AGFG1: variants seen among roughly 807,000 people sequenced by gnomAD.
AGFG1 encodes the protein arf-GAP domain and FG repeat-containing protein 1.
Under a neutral mutation model 60.6 loss-of-function variants are expected in AGFG1, and 10 were observed. The observed-to-expected ratio is 0.16, with a 90% CI of 0.10 to 0.28. The LOEUF (loss-of-function observed/expected upper bound fraction) is 0.28. Among genes scored for constraint, AGFG1 ranks in the 10% least tolerant of loss-of-function variants. AGFG1 has a pLI of 1.00. For missense variants in AGFG1, 537 were observed against 676.5 expected, an observed-to-expected ratio of 0.79 and a Z score of 2.29; for synonymous variants, 247 against 242.9, an observed-to-expected ratio of 1.02 and a Z score of -0.16.
intron 2 of AGFG1, among the ~76,000 whole-genome samples, chr2:227,517,571 A>G (rs1332886655): frequency 1.3e-5 from 2 of 152,200 alleles, no homozygotes; most frequent in Non-Finnish European, 2.9e-5. Context: ...CGCCCGACCC[A>G]CAAGAAATGT....
intron 2 of AGFG1, among the ~76,000 whole-genome samples, chr2:227,495,011 A>G (rs1340852825): frequency 6.6e-6 from 1 of 152,210 alleles, no homozygotes; most frequent in Non-Finnish European, 1.5e-5. Context: ...GTTTCTACAG[A>G]TGTGGTTTAC....
At chr2:227,483,717 T>G (rs984837840) in intron 1 of AGFG1, among the ~76,000 whole-genome samples, 75 of 152,236 alleles carry the variant, frequency 4.9e-4, no homozygotes, top group African/African-American at 1.4e-3. Flanking sequence ...ATTTTCTGTT[T>G]GAGGAGTTTC....
In AGFG1 at chr2:227,472,589, G is replaced by A; in HGVS notation, c.167+1G>A. ...TGTGTACCTCCTGCTCCGGCAGCCT[G>A]TGAGTGCGGGGCGGCCGGGCGGGTG... On this transcript the variant is annotated splice_donor_variant, in intron 1 of 12. Transcript: ENST00000310078. LOFTEE classifies it high-confidence loss of function. 6.4e-7 allele frequency: 1 copy of A among 1,572,328 alleles called. No individual in the cohort carries two copies. Among genetic ancestry groups the A allele is most frequent in the Non-Finnish European group, 8.6e-7 (1 of 1,159,356 alleles).
chr2:227,558,756 T>C lies in AGFG1; in HGVS notation c.*4261T>C, dbSNP rs1693051096. On this transcript the variant is annotated 3_prime_UTR_variant, in exon 13 of 13. Coordinates refer to ENST00000310078, the MANE Select transcript of AGFG1 (RefSeq NM_004504.5). ...TCATGAAAGAAAAAAGGCCCTGTTT[T>C]GTAGCATTTACTAATATTTATGGTA... 1 of 152,194 alleles carries C rather than the reference T, an allele frequency of 6.6e-6. No individual in the cohort carries two copies. Among genetic ancestry groups the C allele is most frequent in the Non-Finnish European group, 1.5e-5 (1 of 68,030 alleles). 9.4% of individuals were successfully genotyped at this position (152,194 alleles called of 1,614,324 possible). A position where few individuals can be genotyped will look rare whatever the true frequency, so the allele number is the denominator to read the frequency against.
At chr2:227,487,124 C>G (rs771097491) in intron 1 of AGFG1, among the ~76,000 whole-genome samples, 6 of 152,148 alleles carry the variant, frequency 3.9e-5, no homozygotes, top group Non-Finnish European at 7.3e-5. Flanking sequence ...GAAAACCGCC[C>G]TCCTTCTGTT....
chr2:227,536,937 G>GT lies in AGFG1; in HGVS notation c.1323dup (p.Pro442SerfsTer46). On this transcript the variant is annotated frameshift_variant, in exon 10 of 13. Coordinates refer to ENST00000310078, the MANE Select transcript of AGFG1 (RefSeq NM_004504.5). LOFTEE classifies it high-confidence loss of function. ...ACAAATCCATTTGTTGCTGCTGCTG[G>GT]TCCTTCTGTGGCATCTTCTACAAAC... The GT allele has an allele frequency of 6.2e-7, 1 of 1,612,904 alleles. No homozygotes were observed. Among genetic ancestry groups the GT allele is most frequent in the Non-Finnish European group, 8.5e-7 (1 of 1,179,342 alleles).
chr2:227,527,761 A>G (rs953883003), intron 5 of AGFG1, among the ~76,000 whole-genome samples: 3 of 152,170 alleles, frequency 2.0e-5, no homozygotes, highest in African/African-American at 7.2e-5. Context: ...TTTGCTTTAT[A>G]TTATTTTGGC....
intron 2 of AGFG1, among the ~76,000 whole-genome samples, chr2:227,497,732 TTTG>T (rs370104865): frequency 0.58 from 44,987 of 77,566 alleles, 13,204 homozygotes; most frequent in South Asian, 0.72. Context: ...TCTTTCTTGT[TTTG>T]TTTTTTTTTT....
intron 2 of AGFG1, 48 bp downstream of exon 2, chr2:227,491,688 A>G: frequency 8.5e-7 from 1 of 1,182,056 alleles, no homozygotes; most frequent in Non-Finnish European, 1.2e-6. Context: ...TTTTGTTGGC[A>G]GTCATTTTAA....
chr2:227,501,909 A>C (rs1331205509), intron 2 of AGFG1, among the ~76,000 whole-genome samples: 1 of 151,984 alleles, frequency 6.6e-6, no homozygotes, highest in Non-Finnish European at 1.5e-5. Context: ...TCCAGGCTGG[A>C]GTGCAGTGGT....
At chr2:227,488,750 A>G (rs1004265716) in intron 1 of AGFG1, among the ~76,000 whole-genome samples, 1 of 152,236 alleles carries the variant, frequency 6.6e-6, no homozygotes, top group Non-Finnish European at 1.5e-5. Context: ...TGAGTTGGAA[A>G]CAAAGTGTTG....
chr2:227,511,067 A>G lies in AGFG1; in HGVS notation c.262-8881A>G, dbSNP rs186308213. On this transcript the variant is annotated intron_variant, in intron 2 of 12. Coordinates refer to ENST00000310078, the MANE Select transcript of AGFG1 (RefSeq NM_004504.5). Reference sequence around the variant, plus strand: ...AACTTATTCTGGTACTTTTTCTCCTATATTATCAAGTGAATCAGTATGTAT... The same window carrying G: ...AACTTATTCTGGTACTTTTTCTCCTGTATTATCAAGTGAATCAGTATGTAT... Among the ~76,000 whole-genome samples, 124 of 152,238 alleles carry G rather than the reference A, an allele frequency of 8.1e-4. 2 individuals are homozygous for G. Among genetic ancestry groups the G allele is most frequent in the African/African-American group, 2.5e-3 (105 of 41,544 alleles).
rs755031580 is a variant in AGFG1 at position 227,491,663 on chromosome 2, T to C, written c.261+23T>C. 9 of 1,025,176 alleles carry C rather than the reference T, an allele frequency of 8.8e-6. No homozygotes were observed. The Admixed American group carries it at 2.2e-4, about 25-fold the overall frequency. The allele number at this position is 1,025,176 out of a possible 1,614,324, so 63.5% of individuals were successfully genotyped here. On this transcript the variant is annotated intron_variant, in intron 2 of 12. Coordinates refer to ENST00000310078, the MANE Select transcript of AGFG1 (RefSeq NM_004504.5). ...GAAGTAAGTGGTTTTTTTTTTTTTT[T>C]GCAATTTTTGACTTTTTTGTTGGCA...
intron 1 of AGFG1, among the ~76,000 whole-genome samples, chr2:227,490,494 C>T (rs1377451551): frequency 6.6e-5 from 10 of 151,012 alleles, no homozygotes; most frequent in South Asian, 2.1e-4. Context: ...AGGAGAATGG[C>T]GTGAACCCGG....
At chr2:227,477,630 G>A (rs1057047296) in intron 1 of AGFG1, among the ~76,000 whole-genome samples, 1 of 151,574 alleles carries the variant, frequency 6.6e-6, no homozygotes, top group Non-Finnish European at 1.5e-5. Context: ...TTTTTGAGAC[G>A]GAGTTTCACT....
At chr2:227,535,054 T>C in intron 8 of AGFG1, 29 bp downstream of exon 8, 1 of 1,490,986 alleles carries the variant, frequency 6.7e-7, no homozygotes, top group Non-Finnish European at 9.0e-7. Flanking sequence ...CCCTCCTGCT[T>C]TGTGTTTTAT....
intron 1 of AGFG1, among the ~76,000 whole-genome samples, chr2:227,484,692 T>G (rs1290123372): frequency 0.021 from 48 of 2,322 alleles, no homozygotes; most frequent in African/African-American, 0.065. Context: ...TTTTTTGTTT[T>G]TTTTTTTTTT....
intron 2 of AGFG1, among the ~76,000 whole-genome samples, chr2:227,504,481 C>G (rs538929609): frequency 6.6e-6 from 1 of 152,330 alleles, no homozygotes; most frequent in East Asian, 1.9e-4. Flanking sequence ...GCTTGAGCCA[C>G]TGTGCCCAGC....
chr2:227,552,780 TCA>T (rs1692859263), intron 11 of AGFG1, among the ~76,000 whole-genome samples: 1 of 151,200 alleles, frequency 6.6e-6, no homozygotes, highest in Non-Finnish European at 1.5e-5. Context: ...AGTGGGCGGA[TCA>T]TCTGAGCTCG....
Sources: allele counts gnomAD v4.1 joint callset (sites outside exome capture counted in the v4.1 genomes callset), GRCh38; gene constraint gnomAD v4.1.1; transcripts MANE v1.5; gene names NCBI Gene and HGNC (gene_info 2026-07-23, HGNC 2026-07-21).